Variants in PDZRN3 observed in about 807,000 individuals in gnomAD.
PDZRN3 encodes E3 ubiquitin-protein ligase PDZRN3.
A neutral mutation model predicts 85.7 loss-of-function variants in PDZRN3; 38 were observed. The ratio of observed to expected loss-of-function variants is 0.44; its 90% CI spans 0.34 to 0.58. PDZRN3 has a LOEUF of 0.58. Ranked by LOEUF, PDZRN3 falls within the 20% of genes least tolerant of loss-of-function variation. The pLI is 0.01. For synonymous variants in PDZRN3, 759 were observed against 638.0 expected (o/e 1.19, Z -2.86); for missense variants, 1,629 against 1,506.4 (o/e 1.08, Z -1.35).
At chr3:73,618,848 C>A (rs1431715117) in intron 1 of PDZRN3, among the ~76,000 whole-genome samples, 1 of 152,028 alleles carries the variant, frequency 6.6e-6, no homozygotes, top group Non-Finnish European at 1.5e-5. Flanking sequence ...ATAGAAGTGA[C>A]AATCTGTAAC....
chr3:73,424,982 C>T (rs1702282715), intron 3 of PDZRN3, among the ~76,000 whole-genome samples: 1 of 152,038 alleles, frequency 6.6e-6, no homozygotes, highest in African/African-American at 2.4e-5. Context: ...GCCTTCTCTT[C>T]CCCAATCCTT....
intron 5 of PDZRN3, among the ~76,000 whole-genome samples, chr3:73,393,326 G>C (rs1701566597): frequency 6.6e-6 from 1 of 152,176 alleles, no homozygotes; most frequent in Admixed American, 6.5e-5. Flanking sequence ...AGATTCTACA[G>C]TTCTACTGGA....
intron 3 of PDZRN3, among the ~76,000 whole-genome samples, chr3:73,570,559 T>C (rs1318168941): frequency 3.9e-5 from 6 of 152,212 alleles, no homozygotes; most frequent in African/African-American, 1.2e-4. Flanking sequence ...TATGCATTCA[T>C]AGAGTCCTCT....
chr3:73,467,740 G>A (rs1432884847), intron 3 of PDZRN3, among the ~76,000 whole-genome samples: 2 of 152,072 alleles, frequency 1.3e-5, no homozygotes, highest in Non-Finnish European at 2.9e-5. Context: ...CATTTTTATG[G>A]CTATTCCCTC....
At chr3:73,416,865 GTTTTTTTTTGGTTTTTT>G in intron 3 of PDZRN3, among the ~76,000 whole-genome samples, 1 of 83,048 alleles carries the variant, frequency 1.2e-5, no homozygotes, top group African/African-American at 4.2e-5. Context: ...TTTTTTGTTT[GTTTTTTTTTGGTTTTTT>G]TTTTTTTTTT....
intron 3 of PDZRN3, among the ~76,000 whole-genome samples, chr3:73,452,839 C>CTGTGTGTGTTTGTGTGTG (rs1553690757): frequency 2.1e-5 from 3 of 140,618 alleles, no homozygotes; most frequent in African/African-American, 8.1e-5. Flanking sequence ...GTCCATATAT[C>CTGTGTGTGTTTGTGTGTG]TGTGTGTGTG....
Position 73,383,619 on chromosome 3 carries a change from C to A in PDZRN3, c.2947G>T (p.Val983Leu). 1 of 1,613,948 alleles carries A rather than the reference C, an allele frequency of 6.2e-7. No homozygotes were observed. Among genetic ancestry groups the A allele is most frequent in the Non-Finnish European group, 8.5e-7 (1 of 1,180,036 alleles). Reference sequence around the variant, plus strand: ...CGCCGCCGCTGCTCCTTGGCCTTCACCAGGTGCTGCTTCCTCTCCTCCTTG... The same window carrying A: ...CGCCGCCGCTGCTCCTTGGCCTTCAACAGGTGCTGCTTCCTCTCCTCCTTG... The part of the protein sequence containing the change: ...WSKEERKQHL[V>L]KAKEQRRRRE... Residue 983 changes from valine to leucine, a missense_variant, in exon 10 of 10, where the codon GTG becomes TTG. Val to Leu is a conservative substitution (Grantham distance 32). Coordinates refer to ENST00000263666, the MANE Select transcript of PDZRN3 (RefSeq NM_015009.3).
In PDZRN3 at chr3:73,383,555, T is replaced by C; in HGVS notation, c.3011A>G (p.Lys1004Arg). The change falls in exon 10 of 10, where the codon AAG becomes AGG. Residue 1004 changes from lysine to arginine, a missense_variant. Physicochemically the swap from Lys to Arg is conservative, Grantham distance 26. Transcript: ENST00000263666. ...FMMQSRLDCL[K>R]EQQAADDRKE... is the part of the protein sequence containing the mutation. ...CCTGTCATCGGCTGCTTGCTGCTCCTTGAGACAATCCAACCTGCTCTGCAT... is the reference window on the plus strand; with the variant it reads ...CCTGTCATCGGCTGCTTGCTGCTCCCTGAGACAATCCAACCTGCTCTGCAT... 6.2e-7 allele frequency: 1 copy of C among 1,614,202 alleles called. No homozygotes were observed. Among genetic ancestry groups the C allele is most frequent in the East Asian group, 2.2e-5 (1 of 44,878 alleles).
At chr3:73,455,891 G>A (rs1702966794) in intron 3 of PDZRN3, among the ~76,000 whole-genome samples, 1 of 152,144 alleles carries the variant, frequency 6.6e-6, no homozygotes, top group Non-Finnish European at 1.5e-5. Flanking sequence ...GTAATTCCAT[G>A]TCCATGCACA....
chr3:73,502,839 T>C (rs570582415), intron 3 of PDZRN3, among the ~76,000 whole-genome samples: 21 of 152,242 alleles, frequency 1.4e-4, no homozygotes, highest in Admixed American at 5.9e-4. Context: ...CCTCTCTCAG[T>C]TGAAACGAAT....
chr3:73,383,697 T>C lies in PDZRN3; in HGVS notation c.2869A>G (p.Met957Val). 1 of 1,611,666 alleles carries C rather than the reference T, an allele frequency of 6.2e-7. No individual in the cohort carries two copies. Among genetic ancestry groups the C allele is most frequent in the Non-Finnish European group, 8.5e-7 (1 of 1,179,996 alleles). ...CTCACCGCGTCGTCGTCGGTGGTCA[T>C]GCCGCTGCGCTCTTCCCGGATCTTC... is the stretch of plus-strand genomic sequence containing the variant. The part of the protein sequence containing the change: ...ALKIREERSG[M>V]TTDDDAVSEM... The change falls in exon 10 of 10, where the codon ATG becomes GTG. Residue 957 changes from methionine (M) to valine (V), a missense_variant. Coordinates refer to ENST00000263666, the MANE Select transcript of PDZRN3 (RefSeq NM_015009.3).
rs919983796 is a variant in PDZRN3 at position 73,579,714 on chromosome 3, C to T, written c.918+22640G>A. Among the ~76,000 whole-genome samples, 14 of 152,196 alleles carry T rather than the reference C, an allele frequency of 9.2e-5. No homozygotes were observed. In the East Asian group the frequency reaches 2.5e-3, roughly 27 times the overall value. ...TTCACTCTGAGAGAAGTAAGAAGCC[C>T]GCCACTGAGGATCTGACTGTAATAA... On this transcript the variant is annotated intron_variant, in intron 3 of 9. Coordinates refer to ENST00000263666, the MANE Select transcript of PDZRN3 (RefSeq NM_015009.3).
At position 73,494,087 on chromosome 3, in the gene PDZRN3, CTA is replaced by C. The variant is rs149068603; in HGVS notation, c.919-89694_919-89693del. ...CCAATGAATTGTCATTTGCTTTTCGCTATGTTTTGTTTTCTGCTGAGGCCAAT... is the reference window on the plus strand; with the variant it reads ...CCAATGAATTGTCATTTGCTTTTCGCTGTTTTGTTTTCTGCTGAGGCCAAT... On this transcript the variant is annotated intron_variant, in intron 3 of 9. Coordinates refer to ENST00000263666, the MANE Select transcript of PDZRN3 (RefSeq NM_015009.3). Among the ~76,000 whole-genome samples the C allele has an allele frequency of 2.0e-4, 31 of 152,262 alleles. 1 individual carries two copies. The East Asian group carries it at 6.0e-3, about 29-fold the overall frequency.
At chr3:73,464,223 G>C (rs1239949158) in intron 3 of PDZRN3, among the ~76,000 whole-genome samples, 1 of 152,162 alleles carries the variant, frequency 6.6e-6, no homozygotes, top group Non-Finnish European at 1.5e-5. Flanking sequence ...CTGACCTCAT[G>C]ATCCGCCCAC....
chr3:73,504,093 C>T lies in PDZRN3; in HGVS notation c.918+98261G>A, dbSNP rs778613271. 8.2e-4 allele frequency among the ~76,000 whole-genome samples: 125 copies of T among 152,182 alleles called. 1 individual carries two copies. Among genetic ancestry groups the T allele is most frequent in the Non-Finnish European group, 3.7e-4 (25 of 68,038 alleles). Reference sequence around the variant, plus strand: ...TCTTTATAAACAGAAATTAATATTACACTGCTGTGTATGTGTGTCTGCTTT... The same window carrying T: ...TCTTTATAAACAGAAATTAATATTATACTGCTGTGTATGTGTGTCTGCTTT... On this transcript the variant is annotated intron_variant, in intron 3 of 9. Coordinates refer to ENST00000263666, the MANE Select transcript of PDZRN3 (RefSeq NM_015009.3).
intron 3 of PDZRN3, among the ~76,000 whole-genome samples, chr3:73,495,593 G>T (rs1342221377): frequency 6.6e-6 from 1 of 152,076 alleles, no homozygotes. Flanking sequence ...TGCTATTGAT[G>T]GACACTTAGG....
intron 3 of PDZRN3, among the ~76,000 whole-genome samples, chr3:73,442,697 AT>A (rs56095919): frequency 0.013 from 1,851 of 146,650 alleles, 44 homozygotes; most frequent in African/African-American, 0.043. Context: ...AAATGTGTGG[AT>A]TTTTTTTTTT....
At chr3:73,617,856 C>A (rs528425761) in intron 1 of PDZRN3, among the ~76,000 whole-genome samples, 22 of 152,262 alleles carry the variant, frequency 1.4e-4, no homozygotes, top group African/African-American at 4.8e-4. Context: ...CAGGTGTGCA[C>A]CAGCACACCT....
intron 3 of PDZRN3, among the ~76,000 whole-genome samples, chr3:73,521,127 G>C (rs1390101293): frequency 6.6e-6 from 1 of 152,142 alleles, no homozygotes; most frequent in Non-Finnish European, 1.5e-5. Context: ...AGACAGGCAC[G>C]GGGAAGTGCT....
Sources: allele counts gnomAD v4.1 joint callset (sites outside exome capture counted in the v4.1 genomes callset), GRCh38; gene constraint gnomAD v4.1.1; transcripts MANE v1.5; gene names NCBI Gene and HGNC (gene_info 2026-07-23, HGNC 2026-07-21).